ASIP: variants seen among roughly 807,000 people sequenced by gnomAD.
ASIP encodes the protein agouti signaling protein.
Under a neutral mutation model 10.3 loss-of-function variants are expected in ASIP, and 11 were observed. That is an observed-to-expected ratio of 1.07 (90% confidence interval 0.68 to 1.78). The LOEUF (loss-of-function observed/expected upper bound fraction) is 1.78, where lower values mean the gene tolerates loss of function less well. ASIP is among the 40% of genes most tolerant of loss of function. The pLI is 0.00. For synonymous variants in ASIP, 70 were observed against 70.8 expected (o/e 0.99, Z 0.06); for missense variants, 180 against 169.2 (o/e 1.06, Z -0.35).
intron 1 of ASIP, among the ~76,000 whole-genome samples, chr20:34,200,180 C>T (rs1407094457): frequency 6.6e-6 from 1 of 152,158 alleles, no homozygotes; most frequent in Non-Finnish European, 1.5e-5. Context: ...CTCTGAATGA[C>T]TTAAGCTGAA....
At chr20:34,262,569 T>A (rs2424984) in intron 2 of ASIP, among the ~76,000 whole-genome samples, 2 of 151,906 alleles carry the variant, frequency 1.3e-5, no homozygotes, top group African/African-American at 4.8e-5. Flanking sequence ...CCCACAAGAG[T>A]GTCACAGGCA....
At chr20:34,252,112 T>A (rs1254728103) in intron 1 of ASIP, among the ~76,000 whole-genome samples, 2 of 152,212 alleles carry the variant, frequency 1.3e-5, no homozygotes, top group East Asian at 1.9e-4. Context: ...TATCCTCTTA[T>A]GAAGGGGGCC....
At chr20:34,215,689 A>G (rs1381590406) in intron 1 of ASIP, 7 of 1,445,400 alleles carry the variant, frequency 4.8e-6, no homozygotes, top group African/African-American at 1.4e-5. Flanking sequence ...TTAGTTCTGA[A>G]TATTTGTATT....
chr20:34,235,895 AAGGAAAGGAAGG>A lies in ASIP; in HGVS notation c.-10-24468_-10-24457del, dbSNP rs781197562. ...GAAGGAAGGAAGGAAGGAAGGAAGGAAGGAAAGGAAGGAAGGAAGGAAGGAAGGAAGGAAGCG... is the reference window on the plus strand; with the variant it reads ...GAAGGAAGGAAGGAAGGAAGGAAGGAAAGGAAGGAAGGAAGGAAGGAAGCG... On this transcript the variant is annotated intron_variant, in intron 1 of 3. Coordinates refer to the ASIP transcript ENST00000568305. Among the ~76,000 whole-genome samples the A allele has an allele frequency of 2.0e-4, 16 of 80,722 alleles. 1 individual carries two copies. Among genetic ancestry groups the A allele is most frequent in the South Asian group, 4.8e-4 (1 of 2,072 alleles). 53.0% of individuals were successfully genotyped at this position (80,722 alleles called of 152,430 possible).
At chr20:34,246,619 A>C (rs1003077856) in intron 1 of ASIP, 2 of 632,972 alleles carry the variant, frequency 3.2e-6, no homozygotes, top group Non-Finnish European at 5.8e-6. Flanking sequence ...ACCATGCCTG[A>C]CTAATTTTTT....
chr20:34,257,076 T>TG (rs1555826624), intron 1 of ASIP, among the ~76,000 whole-genome samples: 1 of 151,110 alleles, frequency 6.6e-6, no homozygotes, highest in South Asian at 2.1e-4. Context: ...TTCTCTTTTT[T>TG]TTTTTTGTTT....
Position 34,245,106 on chromosome 20 carries a change from T to C in ASIP, c.-11+3617T>C, listed in dbSNP as rs1417619635. Among the ~76,000 whole-genome samples, 5 of 151,800 alleles carry C rather than the reference T, an allele frequency of 3.3e-5. No homozygotes were observed. The East Asian group carries it at 9.8e-4, about 30-fold the overall frequency. On this transcript the variant is annotated intron_variant, in intron 1 of 3. Coordinates refer to ENST00000374954, the MANE Select transcript of ASIP (RefSeq NM_001672.3). ...ATCCCAGCACTTTGGGAGGCCAAGG[T>C]GGGCAAATCACGAGGTCAGGAGTTC...
chr20:34,216,030 G>T (rs1601575036), intron 1 of ASIP: 3 of 650,228 alleles, frequency 4.6e-6, no homozygotes, highest in Non-Finnish European at 8.4e-6. Flanking sequence ...GAACGGAGCC[G>T]AGCGGCGCAG....
chr20:34,255,537 A>G (rs532282790), intron 1 of ASIP, among the ~76,000 whole-genome samples: 8 of 152,348 alleles, frequency 5.3e-5, no homozygotes, highest in Non-Finnish European at 7.3e-5. Flanking sequence ...AATATATAGA[A>G]TAAGAATAGT....
chr20:34,226,347 AT>A (rs553214022), intron 1 of ASIP, among the ~76,000 whole-genome samples: 8 of 150,710 alleles, frequency 5.3e-5, no homozygotes, highest in East Asian at 2.0e-4. Flanking sequence ...ATTTATTCTG[AT>A]TTTTTTTTAA....
At chr20:34,223,680 G>T (rs1346943465) in intron 1 of ASIP, among the ~76,000 whole-genome samples, 1 of 146,878 alleles carries the variant, frequency 6.8e-6, no homozygotes, top group South Asian at 2.2e-4. Flanking sequence ...GGGAAGTGAG[G>T]AGCCCCTCTG....
At position 34,262,884 on chromosome 20, in the gene ASIP, ATCT is replaced by A; in HGVS notation, c.217_219del (p.Ser73del). ...GCAGAAAAGCAGCAGAAAAGAAAAG[ATCT>A]TCTAAGGTAAGGGCAGGGAAGTTCT... On this transcript the variant is annotated inframe_deletion, in exon 3 of 4. Transcript: ENST00000374954. The A allele has an allele frequency of 6.2e-7, 1 of 1,614,054 alleles. No individual in the cohort carries two copies. The highest frequency in any genetic ancestry group is 1.1e-5 in the South Asian group (1 of 91,082).
At chr20:34,233,000 G>A (rs2035132321) in intron 1 of ASIP, among the ~76,000 whole-genome samples, 2 of 152,128 alleles carry the variant, frequency 1.3e-5, no homozygotes, top group Non-Finnish European at 2.9e-5. Flanking sequence ...CTCCCTCCAG[G>A]TACTGGGATC....
intron 1 of ASIP, among the ~76,000 whole-genome samples, chr20:34,256,184 C>T (rs1045586464): frequency 1.3e-5 from 2 of 152,238 alleles, no homozygotes; most frequent in East Asian, 1.9e-4. Flanking sequence ...AGGGAAGGGC[C>T]TCCTGTCTGG....
intron 1 of ASIP, among the ~76,000 whole-genome samples, chr20:34,236,000 GAGAA>G (rs1385923608): frequency 1.0e-5 from 1 of 99,020 alleles, no homozygotes; most frequent in Non-Finnish European, 1.7e-5. Context: ...AGGAAGGAAG[GAGAA>G]AGAGAGAAAG....
At chr20:34,199,311 T>A (rs939771109) in intron 1 of ASIP, among the ~76,000 whole-genome samples, 6 of 152,074 alleles carry the variant, frequency 3.9e-5, no homozygotes, top group East Asian at 1.9e-4. Flanking sequence ...TTTTTTTTTT[T>A]AAAGAACATA....
intron 1 of ASIP, among the ~76,000 whole-genome samples, chr20:34,232,806 T>C (rs1157087579): frequency 1.3e-5 from 2 of 152,190 alleles, no homozygotes; most frequent in East Asian, 3.8e-4. Flanking sequence ...CACATGAGTT[T>C]CTCTGTTTTA....
At chr20:34,224,640 A>G (rs2035080236) in intron 1 of ASIP, among the ~76,000 whole-genome samples, 1 of 151,414 alleles carries the variant, frequency 6.6e-6, no homozygotes, top group Admixed American at 6.6e-5. Context: ...ATATCAAGCA[A>G]GACAGCCAAA....
At chr20:34,215,243 C>T (rs2034999779) in intron 1 of ASIP, 1 of 1,568,268 alleles carries the variant, frequency 6.4e-7, no homozygotes, top group African/African-American at 1.4e-5. Flanking sequence ...AGGGATAAGT[C>T]AATCCAAGAG....
Sources: allele counts gnomAD v4.1 joint callset (sites outside exome capture counted in the v4.1 genomes callset), GRCh38; gene constraint gnomAD v4.1.1; transcripts MANE v1.5; gene names NCBI Gene and HGNC (gene_info 2026-07-23, HGNC 2026-07-21).